Variants in ERC1 observed in about 807,000 individuals in gnomAD.
ERC1 encodes ELKS/RAB6-interacting/CAST family member 1.
A neutral mutation model predicts 132.0 loss-of-function variants in ERC1; 56 were observed. The ratio of observed to expected loss-of-function variants is 0.42; its 90% CI spans 0.34 to 0.53. ERC1 has a LOEUF of 0.53. Among genes scored for constraint, ERC1 ranks in the 20% least tolerant of loss-of-function variants. The pLI, the probability that ERC1 is intolerant of heterozygous loss-of-function variation, is 0.03. For synonymous variants in ERC1, 478 were observed against 476.1 expected (o/e 1.00, Z -0.05); for missense variants, 1,202 against 1,349.9 (o/e 0.89, Z 1.72).
rs1346236485 is a variant in ERC1 at position 1,123,665 on chromosome 12, C to T, written c.1569+7632C>T. On this transcript the variant is annotated intron_variant, in intron 7 of 18. Transcript: ENST00000360905. ...AAACAGTAGATCAAGAAAATATAAC[C>T]GTGCCGATCGATGCACCTAACAGCA... 3.9e-5 allele frequency among the ~76,000 whole-genome samples: 6 copies of T among 152,094 alleles called. 1 individual carries two copies. In the East Asian group the frequency reaches 9.6e-4, roughly 24 times the overall value.
chr12:1,114,265 C>T (rs1411328119), intron 6 of ERC1, among the ~76,000 whole-genome samples: 3 of 152,172 alleles, frequency 2.0e-5, no homozygotes, highest in Admixed American at 6.5e-5. Context: ...TTGTGATCCA[C>T]CCGCCTCGGC....
intron 7 of ERC1, among the ~76,000 whole-genome samples, chr12:1,131,790 T>G (rs1483935332): frequency 2.6e-5 from 4 of 152,082 alleles, no homozygotes; most frequent in Non-Finnish European, 5.9e-5. Context: ...TGATCAGAAG[T>G]GAGAGGCCAA....
Position 1,076,515 on chromosome 12 carries a change from C to T in ERC1, c.670-6649C>T, listed in dbSNP as rs140591743. On this transcript the variant is annotated intron_variant, in intron 2 of 18. Transcript: ENST00000360905. ...GTTCTAGCAATTCTCCTGCCTCAGC[C>T]CCCTGAGTAGCTGGGTTTACAGGCG... Among the ~76,000 whole-genome samples, 83 of 151,990 alleles carry T rather than the reference C, an allele frequency of 5.5e-4. No individual in the cohort carries two copies. The East Asian group carries it at 0.016, about 29-fold the overall frequency.
Position 1,065,293 on chromosome 12 carries a change from G to A in ERC1, c.670-17871G>A, listed in dbSNP as rs12582445. 9.2e-5 allele frequency among the ~76,000 whole-genome samples: 14 copies of A among 152,192 alleles called. No homozygotes were observed. In the South Asian group the frequency reaches 1.2e-3, roughly 14 times the overall value. Reference sequence around the variant, plus strand: ...TGGGATTACAGGTGTGAGCCACCGCGCCCAGCCCTGTCTGAGATTTTGCAA... The same window carrying A: ...TGGGATTACAGGTGTGAGCCACCGCACCCAGCCCTGTCTGAGATTTTGCAA... On this transcript the variant is annotated intron_variant, in intron 2 of 18. Transcript: ENST00000360905.
At chr12:1,221,741 C>A (rs1008346629) in intron 12 of ERC1, among the ~76,000 whole-genome samples, 1 of 152,004 alleles carries the variant, frequency 6.6e-6, no homozygotes, top group East Asian at 1.9e-4. Context: ...TTTTTTAAAG[C>A]ACAATTAGAT....
At chr12:1,319,409 G>T (rs2081972959) in intron 15 of ERC1, among the ~76,000 whole-genome samples, 1 of 152,132 alleles carries the variant, frequency 6.6e-6, no homozygotes, top group Admixed American at 6.5e-5. Context: ...GCATGTGCCT[G>T]TTATCACATG....
chr12:1,194,087 A>C (rs976422496), intron 12 of ERC1, among the ~76,000 whole-genome samples: 14 of 152,164 alleles, frequency 9.2e-5, no homozygotes, highest in African/African-American at 3.1e-4. Context: ...TTCTATTTAG[A>C]TTAATAGTGA....
chr12:1,282,869 T>A (rs906250464), intron 14 of ERC1, among the ~76,000 whole-genome samples: 11 of 152,220 alleles, frequency 7.2e-5, no homozygotes, highest in Non-Finnish European at 1.6e-4. Context: ...CTGGATAATC[T>A]TTTTGTACCA....
rs142249421 is a variant in ERC1, at chr12:1,431,129, A to G, written c.3025-13433A>G. On this transcript the variant is annotated intron_variant, in intron 17 of 18. Coordinates refer to ENST00000360905, the MANE Select transcript of ERC1 (RefSeq NM_178040.4). ...AAGTTCTATAACCGCTCCGGGGAGAACCACGAGCTGTGATGCGCTGATGCC... is the reference window on the plus strand; with the variant it reads ...AAGTTCTATAACCGCTCCGGGGAGAGCCACGAGCTGTGATGCGCTGATGCC... Among the ~76,000 whole-genome samples the G allele has an allele frequency of 2.8e-4, 42 of 152,298 alleles. 1 individual carries two copies. In the East Asian group the frequency reaches 7.7e-3, roughly 28 times the overall value.
chr12:1,036,178 C>T (rs991184821), intron 2 of ERC1, among the ~76,000 whole-genome samples: 7 of 151,990 alleles, frequency 4.6e-5, no homozygotes, highest in Middle Eastern at 3.4e-3. Flanking sequence ...TTTTTGGAGT[C>T]TGATTTTTAT....
chr12:1,453,605 C>T (rs1219707000), intron 18 of ERC1, among the ~76,000 whole-genome samples: 3 of 152,106 alleles, frequency 2.0e-5, no homozygotes, highest in Non-Finnish European at 4.4e-5. Context: ...GCAGAGGATT[C>T]CAGAAGAAAG....
chr12:1,029,744 C>CTTTT (rs747890124), intron 2 of ERC1, among the ~76,000 whole-genome samples: 21 of 114,226 alleles, frequency 1.8e-4, no homozygotes, highest in East Asian at 2.6e-4. Context: ...GTTAAACATA[C>CTTTT]TTTTTTTTTT....
chr12:1,348,889 G>C (rs1381556746), intron 15 of ERC1, among the ~76,000 whole-genome samples: 1 of 152,094 alleles, frequency 6.6e-6, no homozygotes, highest in African/African-American at 2.4e-5. Flanking sequence ...AAATATTTCT[G>C]ATTTGATTTT....
At chr12:1,282,206 G>A (rs1244610373) in intron 14 of ERC1, among the ~76,000 whole-genome samples, 3 of 152,096 alleles carry the variant, frequency 2.0e-5, no homozygotes, top group South Asian at 2.1e-4. Flanking sequence ...GCAAAGCAGC[G>A]CTCAGTGTGT....
chr12:1,116,265 G>A (rs1029949641), intron 7 of ERC1: 22 of 363,864 alleles, frequency 6.0e-5, no homozygotes, highest in Admixed American at 4.5e-5. Context: ...TTAAACTTTT[G>A]CCAAGTCTGT....
chr12:1,096,078 C>T (rs1035580747), intron 3 of ERC1, among the ~76,000 whole-genome samples: 1 of 152,036 alleles, frequency 6.6e-6, no homozygotes, highest in Non-Finnish European at 1.5e-5. Flanking sequence ...ACATGAGCAC[C>T]ACCACACCCA....
chr12:1,439,629 T>C (rs1172086938), intron 17 of ERC1, among the ~76,000 whole-genome samples: 1 of 152,236 alleles, frequency 6.6e-6, no homozygotes, highest in African/African-American at 2.4e-5. Context: ...TTTAACTTCT[T>C]TTTTCCTAGT....
intron 2 of ERC1, 24 bp downstream of exon 2, chr12:1,028,596 T>TGG: frequency 6.4e-7 from 1 of 1,557,394 alleles, no homozygotes; most frequent in East Asian, 2.3e-5. Context: ...GTGTTTACCT[T>TGG]TATTGGCTGA....
chr12:1,138,339 TTATATAA>T lies in ERC1; in HGVS notation c.1570-3268_1570-3262del, dbSNP rs1356447018. On this transcript the variant is annotated intron_variant, in intron 7 of 18. Transcript: ENST00000360905. ...ATACATATGTTGTATATAATATATG[TTATATAA>T]TATATAATATATGTTATATGTAAGT... is the stretch of plus-strand genomic sequence containing the variant. 5.2e-5 allele frequency among the ~76,000 whole-genome samples: 7 copies of T among 134,328 alleles called. No individual in the cohort carries two copies. In the South Asian group the frequency reaches 1.3e-3, roughly 24 times the overall value. The allele number at this position is 134,328 out of a possible 152,430, so 88.1% of individuals were successfully genotyped here. A position where few individuals can be genotyped will look rare whatever the true frequency, so the allele number is the denominator to read the frequency against.
Sources: gnomAD v4.1 joint callset for allele counts (sites outside exome capture counted in the v4.1 genomes callset) on GRCh38, gnomAD v4.1.1 for gene constraint, MANE v1.5 for transcripts, NCBI Gene and HGNC (gene_info 2026-07-23, HGNC 2026-07-21) for gene names.